The following GTF2A1L variants were observed in gnomAD, a reference collection of about 807,000 sequenced individuals.
GTF2A1L encodes the protein TFIIA-alpha and beta-like factor.
GTF2A1L carries 48 observed loss-of-function variants against 49.7 expected under a neutral mutation model. That is an observed-to-expected ratio of 0.97 (90% CI 0.77 to 1.23). GTF2A1L has a LOEUF of 1.23. GTF2A1L is among the 50% of genes most tolerant of loss of function. The pLI is 0.00. For missense variants in GTF2A1L, 736 were observed against 564.8 expected, an observed-to-expected ratio of 1.30 and a Z score of -3.07; for synonymous variants, 246 against 193.5, an observed-to-expected ratio of 1.27 and a Z score of -2.25.
intron 4 of GTF2A1L, among the ~76,000 whole-genome samples, chr2:48,643,598 A>T (rs1677324626): frequency 6.6e-6 from 1 of 152,108 alleles, no homozygotes; most frequent in Non-Finnish European, 1.5e-5. Flanking sequence ...ATTAATAAAA[A>T]GTAAAAATGG....
intron 3 of GTF2A1L, among the ~76,000 whole-genome samples, chr2:48,629,612 A>G (rs1676469727): frequency 6.9e-6 from 1 of 144,292 alleles, no homozygotes; most frequent in South Asian, 2.4e-4. Context: ...ACAGTTAGAT[A>G]GATGTGAAGG....
intron 6 of GTF2A1L, among the ~76,000 whole-genome samples, chr2:48,651,799 T>C (rs1333890337): frequency 6.6e-6 from 1 of 152,198 alleles, no homozygotes; most frequent in Non-Finnish European, 1.5e-5. Flanking sequence ...CCTTGTTTGA[T>C]CCTTGGGGAG....
chr2:48,636,543 C>A (rs1676896976), intron 3 of GTF2A1L, among the ~76,000 whole-genome samples: 1 of 151,992 alleles, frequency 6.6e-6, no homozygotes, highest in African/African-American at 2.4e-5. Flanking sequence ...CTTGTTATTG[C>A]TTTTGCATCA....
chr2:48,652,478 TGG>T (rs1677906175), intron 6 of GTF2A1L, among the ~76,000 whole-genome samples: 1 of 151,298 alleles, frequency 6.6e-6, no homozygotes, highest in Non-Finnish European at 1.5e-5. Context: ...TAGCGGAGTG[TGG>T]TGGCAGGCAC....
chr2:48,629,964 T>C (rs1323492463), intron 3 of GTF2A1L, among the ~76,000 whole-genome samples: 2 of 143,944 alleles, frequency 1.4e-5, no homozygotes, highest in African/African-American at 4.9e-5. Flanking sequence ...CTATTCTGTT[T>C]CATTGTTCTA....
intron 8 of GTF2A1L, among the ~76,000 whole-genome samples, chr2:48,678,252 A>G (rs976881102): frequency 4.6e-5 from 7 of 151,968 alleles, no homozygotes; most frequent in African/African-American, 1.7e-4. Flanking sequence ...AATGCTGCTT[A>G]TATTTTATTA....
intron 6 of GTF2A1L, among the ~76,000 whole-genome samples, chr2:48,659,538 G>T (rs753852871): frequency 6.6e-6 from 1 of 152,012 alleles, no homozygotes; most frequent in Non-Finnish European, 1.5e-5. Context: ...TAGAGATTGT[G>T]TTGGCTCTTT....
chr2:48,667,301 G>A (rs1678908174), intron 6 of GTF2A1L, among the ~76,000 whole-genome samples: 1 of 152,092 alleles, frequency 6.6e-6, no homozygotes, highest in African/African-American at 2.4e-5. Flanking sequence ...TATATAAAGA[G>A]AGACTGAAGT....
intron 4 of GTF2A1L, among the ~76,000 whole-genome samples, chr2:48,644,008 T>A (rs1353246459): frequency 6.6e-6 from 1 of 151,822 alleles, no homozygotes; most frequent in East Asian, 1.9e-4. Flanking sequence ...CTGTACAAAA[T>A]TTTTTTAAAA....
intron 5 of GTF2A1L, among the ~76,000 whole-genome samples, chr2:48,646,090 TTA>T (rs1462083306): frequency 6.6e-6 from 1 of 152,144 alleles, no homozygotes; most frequent in East Asian, 1.9e-4. Flanking sequence ...TTTTACATGA[TTA>T]TGTTTGTTAA....
At position 48,626,825 on chromosome 2, in the gene GTF2A1L, T is replaced by G. The variant is rs762428319; in HGVS notation, c.247+5535T>G. ...CTGAGTTCAAGCAATCCACCTACCT[T>G]GGCCTCCTAGAGTGTGCATATCTTT... On this transcript the variant is annotated intron_variant, in intron 3 of 8. Coordinates refer to ENST00000403751, the MANE Select transcript of GTF2A1L (RefSeq NM_006872.5). Among the ~76,000 whole-genome samples the G allele has an allele frequency of 2.1e-4, 30 of 144,694 alleles. 4 individuals carry two copies. The highest frequency in any genetic ancestry group is 9.3e-5 in the Non-Finnish European group (6 of 64,190). 94.9% of individuals were successfully genotyped at this position (144,694 alleles called of 152,430 possible).
At chr2:48,673,092 A>G (rs1405992892) in intron 8 of GTF2A1L, among the ~76,000 whole-genome samples, 1 of 152,174 alleles carries the variant, frequency 6.6e-6, no homozygotes, top group African/African-American at 2.4e-5. Flanking sequence ...CAGTGTTTTC[A>G]AGAGTCATCC....
intron 6 of GTF2A1L, among the ~76,000 whole-genome samples, chr2:48,650,061 T>C (rs746022822): frequency 5.9e-5 from 9 of 152,198 alleles, no homozygotes; most frequent in Non-Finnish European, 1.0e-4. Flanking sequence ...TTTTCCTTCA[T>C]TATTAAATTG....
Position 48,625,834 on chromosome 2 carries a change from C to T in GTF2A1L, c.247+4544C>T, listed in dbSNP as rs1021633116. Among the ~76,000 whole-genome samples the T allele has an allele frequency of 2.8e-5, 4 of 143,718 alleles. 1 individual carries two copies. Among genetic ancestry groups the T allele is most frequent in the Non-Finnish European group, 4.7e-5 (3 of 63,942 alleles). The allele number at this position is 143,718 out of a possible 152,430, so 94.3% of individuals were successfully genotyped here. Reference sequence around the variant, plus strand: ...TTGGAATGAAGCAATCCTCCTGCCTCGGCCTCCCAAAGTGCTGGGATTACA... The same window carrying T: ...TTGGAATGAAGCAATCCTCCTGCCTTGGCCTCCCAAAGTGCTGGGATTACA... On this transcript the variant is annotated intron_variant, in intron 3 of 8. Transcript: ENST00000403751.
At chr2:48,645,299 C>T (rs563572568) in intron 5 of GTF2A1L, among the ~76,000 whole-genome samples, 182 bp downstream of exon 5, 1 of 152,212 alleles carries the variant, frequency 6.6e-6, no homozygotes, top group South Asian at 2.1e-4. Flanking sequence ...CCACAAAAGG[C>T]ACTGTACTAG....
chr2:48,633,109 T>C (rs1021766226), intron 3 of GTF2A1L: 7 of 273,156 alleles, frequency 2.6e-5, no homozygotes, highest in African/African-American at 1.6e-4. Context: ...GGCTTCTTTT[T>C]GAAGTTTGTT....
chr2:48,679,546 A>T lies in GTF2A1L; in HGVS notation c.*104A>T. 1 of 1,497,248 alleles carries T rather than the reference A, an allele frequency of 6.7e-7. No homozygotes were observed. Among genetic ancestry groups the T allele is most frequent in the East Asian group, 2.5e-5 (1 of 39,332 alleles). 92.7% of individuals were successfully genotyped at this position (1,497,248 alleles called of 1,614,324 possible). On this transcript the variant is annotated 3_prime_UTR_variant, in exon 9 of 9. Transcript: ENST00000403751. ...ATATAGTCCAGCACAGAGCTGTTCA[A>T]ATTTTTAGTTCACTGTATGGAATTT...
rs79325179 is a variant in GTF2A1L, at chr2:48,642,361, T to C, written c.248-41T>C. 2,392 of 1,494,294 alleles carry C rather than the reference T, an allele frequency of 1.6e-3. 30 individuals are homozygous for C. The African/African-American group carries it at 0.029, about 18-fold the overall frequency. 92.6% of individuals were successfully genotyped at this position (1,494,294 alleles called of 1,614,324 possible). A position where few individuals can be genotyped will look rare whatever the true frequency, so the allele number is the denominator to read the frequency against. On this transcript the variant is annotated intron_variant, in intron 3 of 8. Coordinates refer to ENST00000403751, the MANE Select transcript of GTF2A1L (RefSeq NM_006872.5). ...ATATTTAGTGATTTTATTAAATTGG[T>C]AAATTCTAATGAATGTATATTTATT...
chr2:48,671,745 A>G (rs1679182277), intron 8 of GTF2A1L, 65 bp downstream of exon 8: 3 of 1,415,154 alleles, frequency 2.1e-6, no homozygotes, highest in Admixed American at 2.0e-5. Context: ...GGTATGTAAA[A>G]TGATGGGAAA....
Sources: gnomAD v4.1 joint callset for allele counts (sites outside exome capture counted in the v4.1 genomes callset) on GRCh38, gnomAD v4.1.1 for gene constraint, MANE v1.5 for transcripts, NCBI Gene and HGNC (gene_info 2026-07-23, HGNC 2026-07-21) for gene names.